The following ADAMTSL1 variants were observed in gnomAD, a reference collection of about 807,000 sequenced individuals.
ADAMTSL1 encodes the protein ADAMTS like 1, also known as ADAMTS-like protein 1.
Under a neutral mutation model 201.8 loss-of-function variants are expected in ADAMTSL1, and 126 were observed. The observed-to-expected ratio is 0.62, with a 90% confidence interval of 0.54 to 0.72. The LOEUF is 0.72. Ranked by LOEUF, ADAMTSL1 falls within the 30% of genes least tolerant of loss-of-function variation. ADAMTSL1 has a pLI of 0.00. For missense variants in ADAMTSL1, 2,679 were observed against 2,277.8 expected, an observed-to-expected ratio of 1.18 and a Z score of -3.59; for synonymous variants, 1,121 against 903.4, an observed-to-expected ratio of 1.24 and a Z score of -4.32.
intron 7 of ADAMTSL1, among the ~76,000 whole-genome samples, chr9:18,646,964 G>C (rs1383222506): frequency 6.6e-6 from 1 of 152,108 alleles, no homozygotes; most frequent in East Asian, 1.9e-4. Flanking sequence ...AGAAGGAATG[G>C]TACCAGTTCC....
chr9:18,704,918 T>C (rs1231694898), intron 13 of ADAMTSL1, among the ~76,000 whole-genome samples: 1 of 152,188 alleles, frequency 6.6e-6, no homozygotes, highest in Admixed American at 6.5e-5. Flanking sequence ...ATGGGGACCT[T>C]TGTTCTCTCC....
intron 1 of ADAMTSL1, among the ~76,000 whole-genome samples, chr9:17,915,140 C>A (rs571747201): frequency 1.8e-4 from 27 of 152,264 alleles, no homozygotes; most frequent in Non-Finnish European, 3.7e-4. Context: ...GACACCATCA[C>A]CCTGAAGTTT....
chr9:18,745,801 A>C (rs923441167), intron 15 of ADAMTSL1, among the ~76,000 whole-genome samples: 6 of 152,028 alleles, frequency 3.9e-5, no homozygotes, highest in African/African-American at 1.4e-4. Context: ...CATATTTGTA[A>C]CTCTCTCCTC....
chr9:18,318,522 A>ATCT (rs1834495461), intron 2 of ADAMTSL1, among the ~76,000 whole-genome samples: 6 of 152,202 alleles, frequency 3.9e-5, no homozygotes, highest in Non-Finnish European at 8.8e-5. Context: ...ATTGGCTTAG[A>ATCT]AGAACCACTG....
At chr9:18,416,594 A>G (rs1318964262) in intron 2 of ADAMTSL1, among the ~76,000 whole-genome samples, 1 of 152,064 alleles carries the variant, frequency 6.6e-6, no homozygotes, top group East Asian at 1.9e-4. Flanking sequence ...TACCATGCTA[A>G]CTAACATTTA....
In ADAMTSL1 at chr9:18,082,437, G is replaced by A. The variant is rs549454616; in HGVS notation, c.88-81425G>A. Among the ~76,000 whole-genome samples, 8 of 152,176 alleles carry A rather than the reference G, an allele frequency of 5.3e-5. No homozygotes were observed. In the East Asian group the frequency reaches 1.5e-3, roughly 29 times the overall value. On this transcript the variant is annotated intron_variant, in intron 1 of 29. Transcript: ENST00000680146. ...AGTGATTCTTCTGCCTCAGCCTCCCGAGTAGCTGGGATTACAGGTGCCAAC... is the reference window on the plus strand; with the variant it reads ...AGTGATTCTTCTGCCTCAGCCTCCCAAGTAGCTGGGATTACAGGTGCCAAC...
At chr9:18,319,947 A>G (rs1280672792) in intron 2 of ADAMTSL1, among the ~76,000 whole-genome samples, 6 of 152,074 alleles carry the variant, frequency 3.9e-5, no homozygotes, top group Non-Finnish European at 7.4e-5. Flanking sequence ...GACAAAAGAG[A>G]TTTGAAGTGT....
At chr9:18,401,513 A>G (rs1178050063) in intron 2 of ADAMTSL1, among the ~76,000 whole-genome samples, 2 of 152,204 alleles carry the variant, frequency 1.3e-5, no homozygotes, top group Non-Finnish European at 2.9e-5. Flanking sequence ...GAGTAGAGGG[A>G]CAGTATCTGA....
At chr9:18,525,297 T>C (rs1163115933) in intron 2 of ADAMTSL1, among the ~76,000 whole-genome samples, 1 of 152,198 alleles carries the variant, frequency 6.6e-6, no homozygotes, top group African/African-American at 2.4e-5. Context: ...ATCCCCTTTA[T>C]CATTTTTTAT....
chr9:18,535,905 T>A (rs141814786), intron 3 of ADAMTSL1, among the ~76,000 whole-genome samples: 28 of 152,208 alleles, frequency 1.8e-4, no homozygotes, highest in African/African-American at 6.5e-4. Context: ...ACGCAGGGAT[T>A]ATGGGAAGTA....
intron 13 of ADAMTSL1, among the ~76,000 whole-genome samples, chr9:18,687,374 A>G (rs1830901862): frequency 6.6e-6 from 1 of 152,208 alleles, no homozygotes; most frequent in Admixed American, 6.5e-5. Flanking sequence ...TGAAAAAATG[A>G]TCAACTGTCA....
chr9:18,890,347 C>A (rs1454448587), intron 25 of ADAMTSL1, among the ~76,000 whole-genome samples: 3 of 152,210 alleles, frequency 2.0e-5, no homozygotes, highest in Non-Finnish European at 4.4e-5. Context: ...CTGCCACCTT[C>A]CTTATGCTTC....
chr9:17,974,195 A>T (rs529240048), intron 1 of ADAMTSL1, among the ~76,000 whole-genome samples: 4 of 152,182 alleles, frequency 2.6e-5, no homozygotes, highest in African/African-American at 9.6e-5. Flanking sequence ...CAAGACAAGG[A>T]TGCCCTCTCT....
chr9:18,125,448 T>C (rs530747589), intron 1 of ADAMTSL1, among the ~76,000 whole-genome samples: 15 of 152,302 alleles, frequency 9.8e-5, no homozygotes, highest in African/African-American at 3.6e-4. Context: ...AATTTATTTA[T>C]TTTTTTCTTG....
chr9:18,435,501 A>T (rs1012260830), intron 2 of ADAMTSL1, among the ~76,000 whole-genome samples: 1 of 152,146 alleles, frequency 6.6e-6, no homozygotes, highest in South Asian at 2.1e-4. Context: ...CTATGAGAAT[A>T]TATAGGAGGG....
intron 1 of ADAMTSL1, among the ~76,000 whole-genome samples, chr9:18,129,005 A>G (rs755839368): frequency 9.2e-5 from 14 of 152,346 alleles, no homozygotes; most frequent in South Asian, 4.1e-4. Flanking sequence ...ACTGTAATAC[A>G]TTAAAATTAT....
intron 2 of ADAMTSL1, among the ~76,000 whole-genome samples, chr9:18,319,958 G>T (rs1486364968): frequency 1.3e-5 from 2 of 152,172 alleles, no homozygotes; most frequent in Admixed American, 6.5e-5. Context: ...TTTGAAGTGT[G>T]ATAGGACTTG....
chr9:17,977,983 G>T (rs753894906), intron 1 of ADAMTSL1, among the ~76,000 whole-genome samples: 2 of 151,852 alleles, frequency 1.3e-5, no homozygotes, highest in African/African-American at 4.8e-5. Context: ...ATTCATATGG[G>T]TGCTTCAGTG....
At chr9:18,666,118 G>C (rs940787642) in intron 9 of ADAMTSL1, among the ~76,000 whole-genome samples, 3 of 152,134 alleles carry the variant, frequency 2.0e-5, no homozygotes, top group Non-Finnish European at 2.9e-5. Context: ...GCTGAGGTAG[G>C]AATTTAAGTT....
Sources: allele counts gnomAD v4.1 joint callset (sites outside exome capture counted in the v4.1 genomes callset), GRCh38; gene constraint gnomAD v4.1.1; transcripts MANE v1.5; gene names NCBI Gene and HGNC (gene_info 2026-07-23, HGNC 2026-07-21).